Variants in ERC1 observed in about 807,000 individuals in gnomAD.
ERC1 encodes RAB6 interacting protein 2.
Under a neutral mutation model 132.0 loss-of-function variants are expected in ERC1, and 56 were observed. The observed-to-expected ratio is 0.42, with a 90% CI of 0.34 to 0.53. The LOEUF (loss-of-function observed/expected upper bound fraction) is 0.53, where lower values mean the gene tolerates loss of function less well. Ranked by LOEUF, ERC1 falls within the 20% of genes least tolerant of loss-of-function variation. ERC1 has a pLI of 0.03. For missense variants in ERC1, 1,202 were observed against 1,349.9 expected, an observed-to-expected ratio of 0.89 and a Z score of 1.72; for synonymous variants, 478 against 476.1, an observed-to-expected ratio of 1.00 and a Z score of -0.05.
intron 7 of ERC1, among the ~76,000 whole-genome samples, chr12:1,141,193 G>GT (rs1473693611): frequency 2.0e-5 from 3 of 152,256 alleles, no homozygotes. Flanking sequence ...TTATGGGGTT[G>GT]TTTTTCATAA....
chr12:1,364,777 A>G (rs1256742557), intron 15 of ERC1, among the ~76,000 whole-genome samples: 1 of 152,230 alleles, frequency 6.6e-6, no homozygotes, highest in Non-Finnish European at 1.5e-5. Context: ...AAAATCTTAG[A>G]GTTGAAAAGG....
intron 16 of ERC1, among the ~76,000 whole-genome samples, chr12:1,384,489 T>A (rs1355597501): frequency 6.6e-6 from 1 of 152,182 alleles, no homozygotes; most frequent in Non-Finnish European, 1.5e-5. Flanking sequence ...GCAAATCTGG[T>A]TCCAAAGTAT....
At chr12:1,303,727 G>A (rs908936813) in intron 15 of ERC1, among the ~76,000 whole-genome samples, 6 of 151,916 alleles carry the variant, frequency 3.9e-5, no homozygotes, top group African/African-American at 9.7e-5. Context: ...AGGCCAAGGC[G>A]GGGCATCACC....
Position 1,490,982 on chromosome 12 carries a change from T to C in ERC1, c.*752T>C. ...TCTCTCCTGTTTGAGACTGTTGACGTTATCATACTGAGGTGTTAGATCAAA... is the reference window on the plus strand; with the variant it reads ...TCTCTCCTGTTTGAGACTGTTGACGCTATCATACTGAGGTGTTAGATCAAA... On this transcript the variant is annotated 3_prime_UTR_variant, in exon 19 of 19. Coordinates refer to ENST00000360905, the MANE Select transcript of ERC1 (RefSeq NM_178040.4). The C allele has an allele frequency of 4.3e-6, 1 of 232,884 alleles. No individual in the cohort carries two copies. The highest frequency in any genetic ancestry group is 8.5e-6 in the Non-Finnish European group (1 of 117,806). 14.4% of individuals were successfully genotyped at this position (232,884 alleles called of 1,614,324 possible). A position where few individuals can be genotyped will look rare whatever the true frequency, so the allele number is the denominator to read the frequency against.
chr12:992,625 T>C (rs1174344194), intron 1 of ERC1, among the ~76,000 whole-genome samples: 1 of 152,224 alleles, frequency 6.6e-6, no homozygotes, highest in African/African-American at 2.4e-5. Context: ...TGTGTCACTT[T>C]GTATGGAAAT....
At chr12:1,432,216 G>T (rs559160536) in intron 17 of ERC1, among the ~76,000 whole-genome samples, 3 of 152,368 alleles carry the variant, frequency 2.0e-5, no homozygotes, top group Admixed American at 2.0e-4. Flanking sequence ...TGCTGTTGTA[G>T]TGTGAAAGCA....
At chr12:1,068,494 A>AG (rs397812463) in intron 2 of ERC1, among the ~76,000 whole-genome samples, 1 of 152,104 alleles carries the variant, frequency 6.6e-6, no homozygotes, top group Non-Finnish European at 1.5e-5. Flanking sequence ...TAAAAAAAAA[A>AG]GTAGTCACTC....
chr12:1,167,721 T>C (rs1308191500), intron 8 of ERC1, among the ~76,000 whole-genome samples: 1 of 151,060 alleles, frequency 6.6e-6, no homozygotes, highest in Non-Finnish European at 1.5e-5. Flanking sequence ...TCTTTTCTTT[T>C]TTTTTTTTTT....
rs1391458820 is a variant in ERC1 at position 1,028,100 on chromosome 12, A to G, written c.197A>G (p.Tyr66Cys). Reference protein sequence around the residue: ...MENIQSLNAAYATSGPMYLSD... With the variant: ...MENIQSLNAACATSGPMYLSD... ...AATATACAATCTTTAAATGCTGCCT[A>G]TGCCACCTCTGGCCCTATGTATCTA... Residue 66 changes from tyrosine (Y) to cysteine (C), a missense_variant, in exon 2 of 19, where the codon TAT (tyrosine) becomes TGT (cysteine). Physicochemically the swap from Tyr to Cys is radical, Grantham distance 194. Transcript: ENST00000360905. 2 of 1,614,196 alleles carry G rather than the reference A, an allele frequency of 1.2e-6. No homozygotes were observed. Among genetic ancestry groups the G allele is most frequent in the Non-Finnish European group, 8.5e-7 (1 of 1,180,042 alleles).
intron 1 of ERC1, among the ~76,000 whole-genome samples, chr12:1,000,043 G>A (rs1030559862): frequency 2.0e-5 from 3 of 152,208 alleles, no homozygotes; most frequent in African/African-American, 7.2e-5. Flanking sequence ...ACCAAAGAAT[G>A]AAACTAAACA....
Position 1,483,492 on chromosome 12 carries a change from C to T in ERC1, c.3214-6601C>T, listed in dbSNP as rs2094130950. On this transcript the variant is annotated intron_variant, in intron 18 of 18. Coordinates refer to ENST00000360905, the MANE Select transcript of ERC1 (RefSeq NM_178040.4). ...TTTTATACACTTCAATTTTTCCCTTCTTAAGGTCGTAGAGTATCAGAATTA... is the reference window on the plus strand; with the variant it reads ...TTTTATACACTTCAATTTTTCCCTTTTTAAGGTCGTAGAGTATCAGAATTA... 2.0e-5 allele frequency among the ~76,000 whole-genome samples: 3 copies of T among 151,906 alleles called. No individual in the cohort carries two copies. In the South Asian group the frequency reaches 6.2e-4, roughly 31 times the overall value.
chr12:1,396,866 C>G (rs986697563), intron 16 of ERC1, among the ~76,000 whole-genome samples: 1 of 152,082 alleles, frequency 6.6e-6, no homozygotes, highest in Non-Finnish European at 1.5e-5. Context: ...ATTAGAGGCT[C>G]GCTGTGCAGA....
intron 17 of ERC1, among the ~76,000 whole-genome samples, chr12:1,414,046 A>T (rs2091984824): frequency 6.6e-6 from 1 of 152,106 alleles, no homozygotes; most frequent in Non-Finnish European, 1.5e-5. Flanking sequence ...CCCAGTTCGC[A>T]GTAGGGTTTG....
intron 15 of ERC1, among the ~76,000 whole-genome samples, chr12:1,360,075 C>G (rs2154370179): frequency 6.6e-6 from 1 of 152,220 alleles, no homozygotes; most frequent in Middle Eastern, 3.4e-3. Context: ...ACTAGGTACT[C>G]CCTTCTCCTC....
rs577119679 is a variant in ERC1 at position 1,356,775 on chromosome 12, T to C, written c.2781-15058T>C. Among the ~76,000 whole-genome samples the C allele has an allele frequency of 2.8e-3, 430 of 152,332 alleles. 2 individuals are homozygous for C. The highest frequency in any genetic ancestry group is 0.01 in the Middle Eastern group (3 of 294). The stretch of plus-strand genomic sequence containing the variant: ...GACCATCCCAGCTGATGAGAATTTA[T>C]CTACCTGATGCAGGCATAGTCATTG... On this transcript the variant is annotated intron_variant, in intron 15 of 18. Coordinates refer to ENST00000360905, the MANE Select transcript of ERC1 (RefSeq NM_178040.4).
intron 3 of ERC1, among the ~76,000 whole-genome samples, chr12:1,094,494 T>C (rs1943755462): frequency 6.7e-6 from 1 of 148,442 alleles, no homozygotes; most frequent in African/African-American, 2.4e-5. Flanking sequence ...CACCTCAACC[T>C]CCGCCACCTG....
At chr12:1,272,994 T>G (rs1056357421) in intron 14 of ERC1, among the ~76,000 whole-genome samples, 1 of 146,950 alleles carries the variant, frequency 6.8e-6, no homozygotes, top group Non-Finnish European at 1.5e-5. Flanking sequence ...TTTAGTAAAC[T>G]GCTAGAAATA....
intron 13 of ERC1, among the ~76,000 whole-genome samples, chr12:1,250,091 C>G (rs1045295113): frequency 6.6e-6 from 1 of 152,122 alleles, no homozygotes; most frequent in African/African-American, 2.4e-5. Flanking sequence ...TTTGGAGCCT[C>G]CTATTAAAGC....
intron 8 of ERC1, among the ~76,000 whole-genome samples, chr12:1,144,952 A>G (rs1313776213): frequency 1.3e-5 from 2 of 150,874 alleles, no homozygotes; most frequent in South Asian, 2.1e-4. Context: ...GCAAATATCT[A>G]TTTTTTTATT....
Sources: gnomAD v4.1 joint callset for allele counts (sites outside exome capture counted in the v4.1 genomes callset) on GRCh38, gnomAD v4.1.1 for gene constraint, MANE v1.5 for transcripts, NCBI Gene and HGNC (gene_info 2026-07-23, HGNC 2026-07-21) for gene names.